MSRB3: variants seen among roughly 807,000 people sequenced by gnomAD.
MSRB3 encodes the protein methionine-R-sulfoxide reductase B3.
A neutral mutation model predicts 21.0 loss-of-function variants in MSRB3; 13 were observed. That is an observed-to-expected ratio of 0.62 (90% CI 0.40 to 0.98). The LOEUF is 0.98. MSRB3 is among the 50% of genes least tolerant of loss of function. The probability of loss-of-function intolerance (pLI) is 0.00; values close to 1 mark genes in which losing one functional copy is unlikely to be tolerated. For synonymous variants in MSRB3, 87 were observed against 88.6 expected, an observed-to-expected ratio of 0.98 and a Z score of 0.10; for missense variants, 199 against 230.3, an observed-to-expected ratio of 0.86 and a Z score of 0.88.
chr12:65,442,784 A>T (rs1230337795), intron 5 of MSRB3, among the ~76,000 whole-genome samples: 2 of 152,100 alleles, frequency 1.3e-5, no homozygotes, highest in Admixed American at 6.6e-5. Flanking sequence ...GGCACTTAGA[A>T]ATTATGGCTA....
At chr12:65,350,299 T>G (rs1592551857) in intron 4 of MSRB3, among the ~76,000 whole-genome samples, 2 of 152,004 alleles carry the variant, frequency 1.3e-5, no homozygotes, top group Middle Eastern at 6.8e-3. Flanking sequence ...ACCATGCTGT[T>G]TTGGTTACTG....
chr12:65,450,744 G>T (rs1356059895), intron 5 of MSRB3, among the ~76,000 whole-genome samples: 1 of 152,170 alleles, frequency 6.6e-6, no homozygotes, highest in Non-Finnish European at 1.5e-5. Context: ...ACAAGACGCA[G>T]ATTGCTTTAG....
intron 6 of MSRB3, among the ~76,000 whole-genome samples, chr12:65,461,457 C>A (rs1453688371): frequency 6.6e-6 from 1 of 152,150 alleles, no homozygotes; most frequent in East Asian, 1.9e-4. Context: ...TAGATCAAAT[C>A]AGTTCAGGGT....
chr12:65,414,387 G>A lies in MSRB3; in HGVS notation c.293-39341G>A, dbSNP rs564279005. ...ATAATCACATTTCAGTCAATGACTG[G>A]ACCACATATAACAATGGTGGTCCCA... On this transcript the variant is annotated intron_variant, in intron 5 of 6. Transcript: ENST00000308259. Among the ~76,000 whole-genome samples the A allele has an allele frequency of 2.0e-5, 3 of 152,188 alleles. No individual in the cohort carries two copies. In the South Asian group the frequency reaches 6.2e-4, roughly 32 times the overall value.
intron 3 of MSRB3, 89 bp downstream of exon 3, chr12:65,327,023 A>C (rs1875092054): frequency 2.2e-6 from 2 of 906,840 alleles, no homozygotes; most frequent in Non-Finnish European, 3.6e-6. Flanking sequence ...ATTAATTTAA[A>C]GCATTCTATA....
chr12:65,440,457 GAAGAAAACA>G (rs1882320050), intron 5 of MSRB3, among the ~76,000 whole-genome samples: 2 of 151,874 alleles, frequency 1.3e-5, no homozygotes, highest in South Asian at 4.2e-4. Flanking sequence ...AGAAAATTAA[GAAGAAAACA>G]ATTTCTTCTT....
In MSRB3 at chr12:65,309,273, G is replaced by A. The variant is rs114723629; in HGVS notation, c.76+618G>A. 9.5e-3 allele frequency among the ~76,000 whole-genome samples: 1,452 copies of A among 152,136 alleles called. 19 individuals are homozygous for A. Among genetic ancestry groups the A allele is most frequent in the African/African-American group, 0.03 (1,253 of 41,496 alleles). ...CATGAAAGTCCAAAATTTTATATGCGCCTGTATCATAAGCTTAATATTTTA... is the reference window on the plus strand; with the variant it reads ...CATGAAAGTCCAAAATTTTATATGCACCTGTATCATAAGCTTAATATTTTA... On this transcript the variant is annotated intron_variant, in intron 2 of 6. Transcript: ENST00000308259.
intron 5 of MSRB3, among the ~76,000 whole-genome samples, chr12:65,449,665 C>A (rs898054910): frequency 6.6e-6 from 1 of 152,120 alleles, no homozygotes; most frequent in African/African-American, 2.4e-5. Context: ...CCTTTCAATT[C>A]AATAAGTTCT....
chr12:65,320,054 C>T (rs1247718515), intron 2 of MSRB3, among the ~76,000 whole-genome samples: 1 of 152,076 alleles, frequency 6.6e-6, no homozygotes, highest in Non-Finnish European at 1.5e-5. Flanking sequence ...GTTGCCTTGG[C>T]ATGCTTATAA....
intron 6 of MSRB3, among the ~76,000 whole-genome samples, chr12:65,461,106 T>C (rs1482050318): frequency 6.6e-6 from 1 of 152,162 alleles, no homozygotes; most frequent in South Asian, 2.1e-4. Flanking sequence ...TTTAGGTATA[T>C]GAAAACTTCA....
intron 4 of MSRB3, among the ~76,000 whole-genome samples, chr12:65,342,219 C>G (rs1876193197): frequency 6.7e-6 from 1 of 149,876 alleles, no homozygotes; most frequent in African/African-American, 2.5e-5. Context: ...AAAAAACCAA[C>G]AGCAGTGGCA....
intron 4 of MSRB3, among the ~76,000 whole-genome samples, chr12:65,346,892 C>G (rs972828028): frequency 1.3e-5 from 2 of 151,980 alleles, no homozygotes; most frequent in African/African-American, 2.4e-5. Context: ...GATCAGATAG[C>G]TGTAGATATG....
chr12:65,310,588 T>C (rs1161027772), intron 2 of MSRB3, among the ~76,000 whole-genome samples: 1 of 152,204 alleles, frequency 6.6e-6, no homozygotes, highest in African/African-American at 2.4e-5. Flanking sequence ...GTTTGCCAAA[T>C]ACAGGGGAGG....
intron 5 of MSRB3, among the ~76,000 whole-genome samples, chr12:65,393,060 G>A (rs532923850): frequency 2.6e-5 from 4 of 152,000 alleles, no homozygotes; most frequent in African/African-American, 7.2e-5. Context: ...GTTATGTCTT[G>A]TGAATTATTC....
At chr12:65,429,790 T>C (rs1298875391) in intron 5 of MSRB3, among the ~76,000 whole-genome samples, 1 of 152,196 alleles carries the variant, frequency 6.6e-6, no homozygotes, top group African/African-American at 2.4e-5. Flanking sequence ...CAGGATGATG[T>C]GAATGATGAT....
intron 5 of MSRB3, among the ~76,000 whole-genome samples, chr12:65,401,749 G>A (rs771913580): frequency 2.6e-5 from 4 of 152,090 alleles, no homozygotes; most frequent in Admixed American, 1.3e-4. Context: ...GGCTGGTACC[G>A]GTTGTTCCTT....
At chr12:65,414,642 AG>A (rs1880882833) in intron 5 of MSRB3, among the ~76,000 whole-genome samples, 2 of 152,176 alleles carry the variant, frequency 1.3e-5, no homozygotes, top group African/African-American at 4.8e-5. Flanking sequence ...ACAACAAAAT[AG>A]GCTAACAGCA....
At chr12:65,335,583 A>G (rs140479994) in intron 4 of MSRB3, among the ~76,000 whole-genome samples, 85 of 152,278 alleles carry the variant, frequency 5.6e-4, no homozygotes, top group Admixed American at 3.7e-3. Context: ...GACTTTCAAC[A>G]TGAACTTTTC....
rs551963152 is a variant in MSRB3 at position 65,322,698 on chromosome 12, A to G, written c.77-4128A>G. Reference sequence around the variant, plus strand: ...AAAAAAAAAGAAGAAGAAAGAAAATATAACAACTATGAGTTTTGCAGTCAG... The same window carrying G: ...AAAAAAAAAGAAGAAGAAAGAAAATGTAACAACTATGAGTTTTGCAGTCAG... On this transcript the variant is annotated intron_variant, in intron 2 of 6. Transcript: ENST00000308259. Among the ~76,000 whole-genome samples the G allele has an allele frequency of 7.3e-5, 11 of 151,600 alleles. No homozygotes were observed. The East Asian group carries it at 1.4e-3, about 19-fold the overall frequency.
Sources: gnomAD v4.1 joint callset for allele counts (sites outside exome capture counted in the v4.1 genomes callset) on GRCh38, gnomAD v4.1.1 for gene constraint, MANE v1.5 for transcripts, NCBI Gene and HGNC (gene_info 2026-07-23, HGNC 2026-07-21) for gene names.